Variants in ARID5B observed in about 807,000 individuals in gnomAD.
ARID5B encodes AT-rich interactive domain-containing protein 5B.
Under a neutral mutation model 97.2 loss-of-function variants are expected in ARID5B, and 13 were observed. The observed-to-expected ratio is 0.13, with a 90% CI of 0.09 to 0.21. The LOEUF is 0.21. ARID5B is among the 10% of genes least tolerant of loss of function. ARID5B has a pLI of 1.00. For missense variants in ARID5B, 1,210 were observed against 1,465.3 expected (o/e 0.83, Z 2.84); for synonymous variants, 556 against 570.3 (o/e 0.97, Z 0.36).
chr10:61,951,868 C>A (rs1051025870), intron 3 of ARID5B, among the ~76,000 whole-genome samples: 1 of 152,042 alleles, frequency 6.6e-6, no homozygotes, highest in Non-Finnish European at 1.5e-5. Context: ...TATAAATATG[C>A]CCCCATATTG....
At chr10:61,972,789 C>A (rs951868580) in intron 3 of ARID5B, among the ~76,000 whole-genome samples, 1 of 152,118 alleles carries the variant, frequency 6.6e-6, no homozygotes, top group Non-Finnish European at 1.5e-5. Flanking sequence ...GATCAAAGTT[C>A]AAAGCAGAAT....
chr10:62,030,507 T>C (rs1319651316), intron 4 of ARID5B, among the ~76,000 whole-genome samples: 1 of 152,168 alleles, frequency 6.6e-6, no homozygotes, highest in East Asian at 1.9e-4. Context: ...CCAGTTAGCC[T>C]AAGAGTGAGG....
At chr10:62,049,498 C>G (rs751467158) in intron 4 of ARID5B, 14 of 1,550,454 alleles carry the variant, frequency 9.0e-6, no homozygotes, top group Non-Finnish European at 1.2e-5. Flanking sequence ...TCGCTACTTT[C>G]TCTTTGCTTG....
intron 3 of ARID5B, among the ~76,000 whole-genome samples, chr10:61,977,651 G>A (rs1267135234): frequency 2.0e-5 from 3 of 152,178 alleles, no homozygotes; most frequent in Non-Finnish European, 4.4e-5. Context: ...CTGTACAAAT[G>A]TCTTCTTTTG....
chr10:62,065,689 CA>C (rs1346319374), intron 7 of ARID5B, among the ~76,000 whole-genome samples: 1 of 151,626 alleles, frequency 6.6e-6, no homozygotes, highest in African/African-American at 2.4e-5. Flanking sequence ...ACTAAAAATA[CA>C]AAAAAATTAG....
intron 7 of ARID5B, among the ~76,000 whole-genome samples, chr10:62,061,391 G>A (rs912186934): frequency 6.6e-6 from 1 of 152,312 alleles, no homozygotes; most frequent in African/African-American, 2.4e-5. Flanking sequence ...GTAGAATAAG[G>A]TTGGGCATGG....
At chr10:61,946,325 C>T (rs1210211894) in intron 3 of ARID5B, among the ~76,000 whole-genome samples, 4 of 151,988 alleles carry the variant, frequency 2.6e-5, no homozygotes, top group Non-Finnish European at 5.9e-5. Flanking sequence ...TTGAAGAAAA[C>T]AATATAAATG....
chr10:62,066,712 G>C (rs1396905684), intron 7 of ARID5B, among the ~76,000 whole-genome samples: 2 of 152,092 alleles, frequency 1.3e-5, no homozygotes, highest in East Asian at 1.9e-4. Flanking sequence ...ATTCCTAAAG[G>C]GTCTTTTCTT....
At chr10:61,988,108 C>T (rs183459406) in intron 3 of ARID5B, among the ~76,000 whole-genome samples, 1 of 152,158 alleles carries the variant, frequency 6.6e-6, no homozygotes, top group African/African-American at 2.4e-5. Flanking sequence ...CATCAGCTTT[C>T]AATGATGTTC....
chr10:61,991,610 C>T (rs185975850), intron 3 of ARID5B, among the ~76,000 whole-genome samples: 2 of 152,170 alleles, frequency 1.3e-5, no homozygotes, highest in East Asian at 3.8e-4. Context: ...TATTTTCCCC[C>T]TCTCCAAGAC....
intron 8 of ARID5B, among the ~76,000 whole-genome samples, chr10:62,079,925 T>G (rs1288888169): frequency 6.6e-6 from 1 of 152,242 alleles, no homozygotes; most frequent in Non-Finnish European, 1.5e-5. Flanking sequence ...TTGTTAATAG[T>G]GGACTCCATA....
rs779752563 is a variant in ARID5B, at chr10:62,083,061, ACACT to A, written c.1200-2639_1200-2636del. 4.7e-3 allele frequency among the ~76,000 whole-genome samples: 719 copies of A among 152,104 alleles called. 4 individuals are homozygous for A. The highest frequency in any genetic ancestry group is 0.012 in the African/African-American group (501 of 41,478). On this transcript the variant is annotated intron_variant, in intron 8 of 9. Coordinates refer to ENST00000279873, the MANE Select transcript of ARID5B (RefSeq NM_032199.3). ...TCGGTTGACCTTTACACACACACAC[ACACT>A]CTCTCACACACTCACACACTCTCAT... is the stretch of plus-strand genomic sequence containing the variant.
chr10:61,994,454 G>T (rs1004870612), intron 3 of ARID5B, among the ~76,000 whole-genome samples: 4 of 152,088 alleles, frequency 2.6e-5, no homozygotes, highest in African/African-American at 9.7e-5. Flanking sequence ...GCATTTGGCC[G>T]CCATTATCTA....
At chr10:62,033,386 G>A (rs1379499311) in intron 4 of ARID5B, among the ~76,000 whole-genome samples, 1 of 152,158 alleles carries the variant, frequency 6.6e-6, no homozygotes, top group South Asian at 2.1e-4. Context: ...AAAGTTGCCT[G>A]AAACACAGAA....
intron 3 of ARID5B, among the ~76,000 whole-genome samples, chr10:61,998,192 C>T (rs992668872): frequency 1.3e-5 from 2 of 152,178 alleles, no homozygotes; most frequent in African/African-American, 2.4e-5. Flanking sequence ...GTATTGGCCT[C>T]CTATCTGAAA....
At chr10:61,966,630 G>T (rs983985751) in intron 3 of ARID5B, among the ~76,000 whole-genome samples, 4 of 151,884 alleles carry the variant, frequency 2.6e-5, no homozygotes, top group Non-Finnish European at 5.9e-5. Context: ...TTCCCTTAAG[G>T]CACCCCATAA....
intron 8 of ARID5B, among the ~76,000 whole-genome samples, chr10:62,080,625 CA>C (rs1840199832): frequency 6.6e-6 from 1 of 152,106 alleles, no homozygotes; most frequent in Admixed American, 6.5e-5. Context: ...CCATACTTCA[CA>C]GTAAAGTTAT....
chr10:61,944,476 T>G (rs937617856), intron 3 of ARID5B, among the ~76,000 whole-genome samples: 4 of 152,198 alleles, frequency 2.6e-5, no homozygotes, highest in Non-Finnish European at 4.4e-5. Context: ...CAGTTAAACA[T>G]AGCAAACTTG....
At chr10:62,082,025 G>GGA (rs1840219853) in intron 8 of ARID5B, among the ~76,000 whole-genome samples, 1 of 151,598 alleles carries the variant, frequency 6.6e-6, no homozygotes, top group Admixed American at 6.6e-5. Context: ...AGAAGAATGA[G>GGA]GAGGGGAAAA....
Sources: gnomAD v4.1 joint callset for allele counts (sites outside exome capture counted in the v4.1 genomes callset) on GRCh38, gnomAD v4.1.1 for gene constraint, MANE v1.5 for transcripts, NCBI Gene and HGNC (gene_info 2026-07-23, HGNC 2026-07-21) for gene names.